Variants in EIF2B3 observed in about 807,000 individuals in gnomAD.
The protein encoded by EIF2B3 is translation initiation factor eIF2B subunit gamma.
Under a neutral mutation model 54.1 loss-of-function variants are expected in EIF2B3, and 20 were observed. That is an observed-to-expected ratio of 0.37 (90% confidence interval 0.26 to 0.54). The LOEUF is 0.54. Among genes scored for constraint, EIF2B3 ranks in the 20% least tolerant of loss-of-function variants. The pLI, the probability that EIF2B3 is intolerant of heterozygous loss-of-function variation, is 0.86. For synonymous variants in EIF2B3, 153 were observed against 188.1 expected, an observed-to-expected ratio of 0.81 and a Z score of 1.52; for missense variants, 448 against 547.8, an observed-to-expected ratio of 0.82 and a Z score of 1.82.
chr1:44,978,367 T>C lies in EIF2B3; in HGVS notation c.242A>G (p.Asp81Gly). 1 of 1,614,064 alleles carries C rather than the reference T, an allele frequency of 6.2e-7. No individual in the cohort carries two copies. Among genetic ancestry groups the C allele is most frequent in the Non-Finnish European group, 8.5e-7 (1 of 1,180,020 alleles). The stretch of plus-strand genomic sequence containing the variant: ...AGAATCTGCAGTTCCCATGTCAGCG[T>C]CATCAGGAATACACACAATATCTGG... The part of the protein sequence containing the change: ...MKPDIVCIPD[D>G]ADMGTADSLR... Residue 81 changes from aspartate (D) to glycine (G), a missense_variant, in exon 3 of 12, where the codon GAC becomes GGC. This residue lies in a region of EIF2B3 where 95 missense variants were observed against 115.7 expected (regional missense o/e 0.82). Coordinates refer to ENST00000360403, the MANE Select transcript of EIF2B3 (RefSeq NM_020365.5).
At chr1:44,860,402 A>C (rs1654572029) in intron 10 of EIF2B3, among the ~76,000 whole-genome samples, 1 of 152,080 alleles carries the variant, frequency 6.6e-6, no homozygotes, top group Non-Finnish European at 1.5e-5. Context: ...GCCCCCCATC[A>C]ATTATTTTGG....
intron 3 of EIF2B3, chr1:44,958,745 C>T: frequency 6.4e-7 from 1 of 1,560,476 alleles, no homozygotes; most frequent in South Asian, 1.1e-5. Flanking sequence ...ATATTGTCCG[C>T]ACAGAACTCA....
rs1238557549 is a variant in EIF2B3, at chr1:44,942,429, T to A, written c.295-764A>T. Among the ~76,000 whole-genome samples, 209 of 57,626 alleles carry A rather than the reference T, an allele frequency of 3.6e-3. 27 individuals are homozygous for A. The highest frequency in any genetic ancestry group is 0.01 in the African/African-American group (125 of 12,286). 37.8% of individuals were successfully genotyped at this position (57,626 alleles called of 152,430 possible). On this transcript the variant is annotated intron_variant, in intron 3 of 11. Coordinates refer to ENST00000360403, the MANE Select transcript of EIF2B3 (RefSeq NM_020365.5). Reference sequence around the variant, plus strand: ...TATATATATATATATTTTTTTTTTTTTTTTTTTTTTTTTTTCCAGACAGGG... The same window carrying A: ...TATATATATATATATTTTTTTTTTTATTTTTTTTTTTTTTTCCAGACAGGG...
At chr1:44,876,696 A>G (rs1241065932) in intron 8 of EIF2B3, among the ~76,000 whole-genome samples, 2 of 136,788 alleles carry the variant, frequency 1.5e-5, no homozygotes, top group African/African-American at 2.9e-5. Context: ...TGGGAGGTGT[A>G]CCCAACAGCT....
chr1:44,913,185 C>A (rs1643550727), intron 5 of EIF2B3, among the ~76,000 whole-genome samples: 1 of 145,048 alleles, frequency 6.9e-6, no homozygotes, highest in African/African-American at 2.5e-5. Context: ...CAAATAAGAT[C>A]ATATTTTTTA....
intron 5 of EIF2B3, among the ~76,000 whole-genome samples, chr1:44,907,005 C>G (rs1643424845): frequency 6.6e-6 from 1 of 152,166 alleles, no homozygotes. Flanking sequence ...TTTGACACCA[C>G]TACACTTCTC....
At chr1:44,973,484 G>A (rs1456037337) in intron 3 of EIF2B3, among the ~76,000 whole-genome samples, 1 of 151,964 alleles carries the variant, frequency 6.6e-6, no homozygotes, top group African/African-American at 2.4e-5. Context: ...GATCACTTGA[G>A]GCCAGACGTT....
At chr1:44,958,607 C>A in intron 3 of EIF2B3, 1 of 1,491,884 alleles carries the variant, frequency 6.7e-7, no homozygotes, top group South Asian at 1.1e-5. Flanking sequence ...AGTGTGGCAT[C>A]AAACTCTATG....
At chr1:44,864,883 G>A (rs1180225067) in intron 10 of EIF2B3, among the ~76,000 whole-genome samples, 1 of 152,198 alleles carries the variant, frequency 6.6e-6, no homozygotes, top group African/African-American at 2.4e-5. Flanking sequence ...TTCTCTAAAT[G>A]TTGTTTCACT....
chr1:44,877,808 T>G (rs966945925), intron 8 of EIF2B3, among the ~76,000 whole-genome samples: 1 of 152,144 alleles, frequency 6.6e-6, no homozygotes, highest in African/African-American at 2.4e-5. Context: ...GCACTGTGCG[T>G]GGCAGCCACA....
rs34314171 is a variant in EIF2B3 at position 44,852,115 on chromosome 1, A to ATT, written c.1307-1114_1307-1113dup. Among the ~76,000 whole-genome samples, 939 of 133,258 alleles carry ATT rather than the reference A, an allele frequency of 7.0e-3. 4 individuals are homozygous for ATT. The highest frequency in any genetic ancestry group is 0.011 in the African/African-American group (377 of 35,846). 87.4% of individuals were successfully genotyped at this position (133,258 alleles called of 152,430 possible). On this transcript the variant is annotated intron_variant, in intron 11 of 11. Coordinates refer to ENST00000360403, the MANE Select transcript of EIF2B3 (RefSeq NM_020365.5). ...AGGCATATGACGCCACACATGGCTA[A>ATT]TTTTTTTTTTTTTTTTTTTTGTATT...
intron 10 of EIF2B3, among the ~76,000 whole-genome samples, chr1:44,872,340 T>G (rs1216941049): frequency 6.6e-6 from 1 of 152,090 alleles, no homozygotes; most frequent in Non-Finnish European, 1.5e-5. Flanking sequence ...GCCACTTCAC[T>G]TTTTATGTAT....
chr1:44,930,575 C>T (rs1643888105), intron 4 of EIF2B3, among the ~76,000 whole-genome samples: 1 of 152,194 alleles, frequency 6.6e-6, no homozygotes, highest in Admixed American at 6.5e-5. Flanking sequence ...GGGCTAACCC[C>T]CTGGATGGTA....
intron 1 of EIF2B3, among the ~76,000 whole-genome samples, chr1:44,985,964 T>C (rs1644570074): frequency 6.6e-6 from 1 of 152,102 alleles, no homozygotes; most frequent in Non-Finnish European, 1.5e-5. Flanking sequence ...CCTCCCTATA[T>C]TTCACTGCCC....
intron 3 of EIF2B3, among the ~76,000 whole-genome samples, chr1:44,972,308 CAT>C (rs752589422): frequency 5.7e-5 from 8 of 140,362 alleles, no homozygotes; most frequent in South Asian, 4.6e-4. Context: ...CACACACACA[CAT>C]ATATATATAT....
At chr1:44,877,214 A>AAAAAAAAAAAAC in intron 8 of EIF2B3, among the ~76,000 whole-genome samples, 1 of 148,436 alleles carries the variant, frequency 6.7e-6, no homozygotes, top group African/African-American at 2.5e-5. Context: ...AAAAAAAAAA[A>AAAAAAAAAAAAC]AAAAAAAACA....
intron 3 of EIF2B3, among the ~76,000 whole-genome samples, chr1:44,965,527 T>C (rs1488605031): frequency 1.3e-5 from 2 of 151,706 alleles, no homozygotes; most frequent in Non-Finnish European, 2.9e-5. Flanking sequence ...TGGAGGCAAC[T>C]AATACTACTA....
At chr1:44,894,515 T>C (rs1398389815) in intron 6 of EIF2B3, among the ~76,000 whole-genome samples, 1 of 152,154 alleles carries the variant, frequency 6.6e-6, no homozygotes, top group Non-Finnish European at 1.5e-5. Context: ...TCCAGGTAGA[T>C]ATCCATTCTC....
intron 4 of EIF2B3, among the ~76,000 whole-genome samples, chr1:44,939,694 T>A (rs947681275): frequency 2.6e-5 from 4 of 152,042 alleles, no homozygotes; most frequent in Non-Finnish European, 5.9e-5. Context: ...AATCTGTGCA[T>A]TTATAATGAT....
Sources: allele counts gnomAD v4.1 joint callset (sites outside exome capture counted in the v4.1 genomes callset), GRCh38; gene constraint gnomAD v4.1.1; regional missense constraint gnomAD v4.1.1; transcripts MANE v1.5; gene names NCBI Gene and HGNC (gene_info 2026-07-23, HGNC 2026-07-21).